The following SDK2 variants were observed in gnomAD, a reference collection of about 807,000 sequenced individuals.
SDK2 encodes the protein protein sidekick-2.
A neutral mutation model predicts 253.9 loss-of-function variants in SDK2; 105 were observed. That is an observed-to-expected ratio of 0.41 (90% CI 0.35 to 0.49). SDK2 has a LOEUF of 0.49. Ranked by LOEUF, SDK2 falls within the 20% of genes least tolerant of loss-of-function variation. SDK2 has a pLI of 0.06. For synonymous variants in SDK2, 1,249 were observed against 1,234.9 expected (o/e 1.01, Z -0.24); for missense variants, 2,608 against 3,003.0 (o/e 0.87, Z 3.07).
rs2063980325 is a variant in SDK2 at position 73,511,512 on chromosome 17, A to C, written c.65-3915T>G. Among the ~76,000 whole-genome samples, 1 of 152,170 alleles carries C rather than the reference A, an allele frequency of 6.6e-6. No individual in the cohort carries two copies. Among genetic ancestry groups the C allele is most frequent in the Non-Finnish European group, 1.5e-5 (1 of 68,022 alleles). The stretch of plus-strand genomic sequence containing the variant: ...ACTTTTGCTTGGATGGGTTGACTCC[A>C]GAGGCTGCTGGAGATAATGACTCTG... On this transcript the variant is annotated intron_variant, in intron 1 of 44. Transcript: ENST00000392650. This position sits in a 1 kb window ranked among gnomAD's most constrained non-coding sequence, Gnocchi z 4.9.
In SDK2 at chr17:73,422,450, G is replaced by A. The variant is rs1273732769; in HGVS notation, c.1898-16C>T. 3.7e-6 allele frequency: 6 copies of A among 1,613,210 alleles called. No homozygotes were observed. The highest frequency in any genetic ancestry group is 2.2e-5 in the South Asian group (2 of 91,064). On this transcript the variant is annotated splice_polypyrimidine_tract_variant and intron_variant, in intron 14 of 44. Transcript: ENST00000392650. ...CAGGGGGCATCTGCAGGGACAGTGA[G>A]TGGGGCAGAAGTGGGTATCTTGGGT...
chr17:73,455,890 A>C lies in SDK2; in HGVS notation c.479+16T>G. Reference sequence around the variant, plus strand: ...ACACCCCTCCCCTCCCCGTCCCCTCAGAGCGATGCACTCACATGCGGCTGC... The same window carrying C: ...ACACCCCTCCCCTCCCCGTCCCCTCCGAGCGATGCACTCACATGCGGCTGC... On this transcript the variant is annotated intron_variant, in intron 4 of 44. Transcript: ENST00000392650. This position sits in a 1 kb window ranked among gnomAD's most constrained non-coding sequence, Gnocchi z 5.0. 4 of 1,536,368 alleles carry C rather than the reference A, an allele frequency of 2.6e-6. No homozygotes were observed. Among genetic ancestry groups the C allele is most frequent in the Non-Finnish European group, 3.5e-6 (4 of 1,144,406 alleles).
In SDK2 at chr17:73,338,826, T is replaced by G; in HGVS notation, c.6280A>C (p.Ile2094Leu). ...YNSWRRQQKG[I>L]SRAQAYSYTE... ...TAGCTGTAGGCCTGTGCCCTCGAGA[T>G]GCCCTTCTGCTGTCGCCGCCACGAG... The change falls in exon 45 of 45, where the codon ATC (isoleucine) becomes CTC (leucine). Residue 2094 changes from isoleucine to leucine, a missense_variant. Physicochemically the swap from Ile to Leu is conservative, Grantham distance 5 (BLOSUM62 2). This residue lies in a region of SDK2 where 1,103 missense variants were observed against 1,143.9 expected (regional missense o/e 0.96). Coordinates refer to ENST00000392650, the MANE Select transcript of SDK2 (RefSeq NM_001144952.2). The surrounding 1 kb of genome is among the most constrained non-coding windows in gnomAD (Gnocchi z 5.0). 5 of 1,614,012 alleles carry G rather than the reference T, an allele frequency of 3.1e-6. No homozygotes were observed. The highest frequency in any genetic ancestry group is 4.2e-6 in the Non-Finnish European group (5 of 1,179,892).
At chr17:73,588,614 G>A (rs1004939071) in intron 1 of SDK2, among the ~76,000 whole-genome samples, 1 of 140,552 alleles carries the variant, frequency 7.1e-6, no homozygotes, top group Non-Finnish European at 1.5e-5. Flanking sequence ...AGCATTTTTG[G>A]TCGTCACAAC....
rs1450325283 is a variant in SDK2 at position 73,446,270 on chromosome 17, T to C, written c.613+1345A>G. Among the ~76,000 whole-genome samples the C allele has an allele frequency of 2.0e-5, 3 of 152,316 alleles. No individual in the cohort carries two copies. In the East Asian group the frequency reaches 5.8e-4, roughly 29 times the overall value. On this transcript the variant is annotated intron_variant, in intron 5 of 44. Coordinates refer to ENST00000392650, the MANE Select transcript of SDK2 (RefSeq NM_001144952.2). ...TTGATGACTAAATTCCCTTCTCCTATAGAAACAGCAGCCCCAGGGTATGGG... is the reference window on the plus strand; with the variant it reads ...TTGATGACTAAATTCCCTTCTCCTACAGAAACAGCAGCCCCAGGGTATGGG...
At chr17:73,533,211 G>C (rs2064184097) in intron 1 of SDK2, among the ~76,000 whole-genome samples, 1 of 152,216 alleles carries the variant, frequency 6.6e-6, no homozygotes, top group Non-Finnish European at 1.5e-5. Flanking sequence ...GGATGTGCCA[G>C]TCACTGCCTC....
At chr17:73,610,153 T>C (rs978469390) in intron 1 of SDK2, among the ~76,000 whole-genome samples, 1 of 152,198 alleles carries the variant, frequency 6.6e-6, no homozygotes, top group East Asian at 1.9e-4. Context: ...CTCATTGTTC[T>C]CCAGGGATCC....
intron 2 of SDK2, among the ~76,000 whole-genome samples, chr17:73,474,178 A>C (rs1352344639): frequency 6.6e-6 from 1 of 152,094 alleles, no homozygotes. Context: ...ATTTTTAACA[A>C]ATTTTTAAAC....
At chr17:73,611,309 C>A (rs1014066229) in intron 1 of SDK2, among the ~76,000 whole-genome samples, 1 of 152,236 alleles carries the variant, frequency 6.6e-6, no homozygotes, top group South Asian at 2.1e-4. Flanking sequence ...TTTCCTGGCA[C>A]TTTCTACAGA....
Position 73,388,037 on chromosome 17 carries a change from T to A in SDK2, c.4193A>T (p.Asp1398Val). The A allele has an allele frequency of 6.4e-7, 1 of 1,563,286 alleles. No homozygotes were observed. The highest frequency in any genetic ancestry group is 8.7e-7 in the Non-Finnish European group (1 of 1,155,190). Residue 1398 changes from aspartate to valine, a missense_variant and splice_region_variant, in exon 30 of 45, where the codon GAC (aspartate) becomes GTC (valine). Physicochemically the swap from Asp to Val is radical, Grantham distance 152. Transcript: ENST00000392650. ...EALVVTTEKRDRPQPPSRPMV... is the reference protein window; with the variant it reads ...EALVVTTEKRVRPQPPSRPMV... ...CGGCCTGCTGGGGGGCTGCGGACGG[T>A]CTGGGAGGTGGCAGAGGGGGAGGAG...
intron 40 of SDK2, among the ~76,000 whole-genome samples, chr17:73,357,195 C>T (rs896468979): frequency 6.6e-6 from 1 of 152,216 alleles, no homozygotes; most frequent in Non-Finnish European, 1.5e-5. Context: ...CCAGGAGCTA[C>T]TAGAATTATT....
rs1296849135 is a variant in SDK2 at position 73,449,701 on chromosome 17, A to T, written c.480-1953T>A. 2.1e-5 allele frequency among the ~76,000 whole-genome samples: 3 copies of T among 146,152 alleles called. No individual in the cohort carries two copies. In the East Asian group the frequency reaches 6.0e-4, roughly 29 times the overall value. ...TTTGGGAGGCTGAAGTAGGTGGATCACCTGAGGTCGGGGGTTCGAGACCAT... is the reference window on the plus strand; with the variant it reads ...TTTGGGAGGCTGAAGTAGGTGGATCTCCTGAGGTCGGGGGTTCGAGACCAT... On this transcript the variant is annotated intron_variant, in intron 4 of 44. Coordinates refer to ENST00000392650, the MANE Select transcript of SDK2 (RefSeq NM_001144952.2).
At position 73,616,831 on chromosome 17, in the gene SDK2, CCAGGGCT is replaced by C. The variant is rs2046064288; in HGVS notation, c.64+27187_64+27193del. On this transcript the variant is annotated intron_variant, in intron 1 of 44. Transcript: ENST00000392650. This position sits in a 1 kb window ranked among gnomAD's most constrained non-coding sequence, Gnocchi z 5.2. ...AGATGCCTGGGGAAGGGGTCAGATT[CCAGGGCT>C]CAGGGACACAGAAGCCCCTTCTGAA... Among the ~76,000 whole-genome samples the C allele has an allele frequency of 6.6e-6, 1 of 152,090 alleles. No individual in the cohort carries two copies. The highest frequency in any genetic ancestry group is 1.5e-5 in the Non-Finnish European group (1 of 68,018).
intron 1 of SDK2, among the ~76,000 whole-genome samples, chr17:73,603,519 A>T (rs1333170780): frequency 1.3e-5 from 2 of 152,166 alleles, no homozygotes; most frequent in Admixed American, 6.5e-5. Context: ...GGAGCCTAGG[A>T]TGCTACACCA....
At chr17:73,497,834 T>A (rs1160593252) in intron 2 of SDK2, among the ~76,000 whole-genome samples, 1 of 152,146 alleles carries the variant, frequency 6.6e-6, no homozygotes, top group African/African-American at 2.4e-5. Context: ...TGGCAGAAAA[T>A]GCAAGTCCCT....
At chr17:73,366,796 G>A (rs2062688801) in intron 37 of SDK2, among the ~76,000 whole-genome samples, 2 of 152,098 alleles carry the variant, frequency 1.3e-5, no homozygotes, top group Middle Eastern at 3.4e-3. Context: ...TACCAGGCTC[G>A]CTCTGCACAC....
chr17:73,354,620 G>T (rs1449355251), intron 40 of SDK2, among the ~76,000 whole-genome samples: 1 of 152,208 alleles, frequency 6.6e-6, no homozygotes, highest in African/African-American at 2.4e-5. Context: ...AAGGACGTCA[G>T]TGAGGCCAGC....
chr17:73,403,339 A>G (rs2063044646), intron 18 of SDK2, among the ~76,000 whole-genome samples: 1 of 152,230 alleles, frequency 6.6e-6, no homozygotes, highest in African/African-American at 2.4e-5. Flanking sequence ...AATATCAAGT[A>G]GAGGCGGGGC....
Position 73,352,556 on chromosome 17 carries a change from G to A in SDK2, c.5675C>T (p.Pro1892Leu), listed in dbSNP as rs569708798. 7.4e-6 allele frequency: 12 copies of A among 1,614,060 alleles called. No homozygotes were observed. Among genetic ancestry groups the A allele is most frequent in the East Asian group, 2.2e-5 (1 of 44,890 alleles). The change falls in exon 41 of 45, where the codon CCG becomes CTG. Residue 1892 changes from proline to leucine, a missense_variant. Around this residue, in one of 2 missense-constraint regions of SDK2, gnomAD observed 1,103 missense variants for 1,143.9 expected, o/e 0.96. Transcript: ENST00000392650. The surrounding 1 kb of genome is among the most constrained non-coding windows in gnomAD (Gnocchi z 4.1). ...GACCCGGAAGTCATAGCTCACGCCCGGCTTCAGGATGTCCATGCTGAACGT... is the reference window on the plus strand; with the variant it reads ...GACCCGGAAGTCATAGCTCACGCCCAGCTTCAGGATGTCCATGCTGAACGT... ...SYTFSMDILK[P>L]GVSYDFRVIA...
Sources: allele counts gnomAD v4.1 joint callset (sites outside exome capture counted in the v4.1 genomes callset), GRCh38; gene constraint gnomAD v4.1.1; regional missense constraint gnomAD v4.1.1; non-coding constraint Gnocchi (gnomAD v3.1); transcripts MANE v1.5; gene names NCBI Gene and HGNC (gene_info 2026-07-23, HGNC 2026-07-21).